LRRC7: variants seen among roughly 807,000 people sequenced by gnomAD.
LRRC7 encodes leucine-rich repeat-containing protein 7.
A neutral mutation model predicts 175.7 loss-of-function variants in LRRC7; 23 were observed. The observed-to-expected ratio is 0.13, with a 90% confidence interval of 0.09 to 0.19. LRRC7 has a LOEUF of 0.19. LRRC7 is among the 10% of genes least tolerant of loss of function. The pLI is 1.00. For synonymous variants in LRRC7, 685 were observed against 680.9 expected (o/e 1.01, Z -0.09); for missense variants, 1,354 against 1,904.7 (o/e 0.71, Z 5.38).
chr1:70,064,307 T>C (rs1661800214), intron 23 of LRRC7, among the ~76,000 whole-genome samples: 1 of 152,024 alleles, frequency 6.6e-6, no homozygotes, highest in Admixed American at 6.6e-5. Context: ...TAGGTTGTTA[T>C]AATCAGAAAA....
At chr1:69,613,439 C>T (rs766970803) in intron 1 of LRRC7, among the ~76,000 whole-genome samples, 22 of 151,942 alleles carry the variant, frequency 1.4e-4, no homozygotes, top group Non-Finnish European at 2.4e-4. Context: ...GAATTTATGG[C>T]GGACACATTA....
intron 6 of LRRC7, among the ~76,000 whole-genome samples, chr1:69,836,879 CAA>C (rs200623992): frequency 8.2e-6 from 1 of 122,652 alleles, no homozygotes. Flanking sequence ...TGATAGGAGG[CAA>C]AAAAAAAAGA....
chr1:70,066,259 A>G (rs762773423), intron 23 of LRRC7, among the ~76,000 whole-genome samples: 1 of 151,980 alleles, frequency 6.6e-6, no homozygotes, highest in Non-Finnish European at 1.5e-5. Context: ...TAATTATTAT[A>G]TCTGCATTTT....
At chr1:69,889,395 G>A (rs1347325445) in intron 7 of LRRC7, among the ~76,000 whole-genome samples, 2 of 152,166 alleles carry the variant, frequency 1.3e-5, no homozygotes, top group African/African-American at 4.8e-5. Flanking sequence ...CAAAATTTGA[G>A]TCTATCCTCT....
Position 70,142,201 on chromosome 1 carries a change from T to C in LRRC7, c.*20314T>C, listed in dbSNP as rs1053416164. ...TTTTATTTTCAATACTTGTAGTCTT[T>C]CCACTCAGAGGACTCTTATTTGGCT... is the stretch of plus-strand genomic sequence containing the variant. On this transcript the variant is annotated 3_prime_UTR_variant, in exon 27 of 27. Transcript: ENST00000651989. The C allele has an allele frequency of 5.3e-5, 8 of 152,164 alleles. No homozygotes were observed. Among genetic ancestry groups the C allele is most frequent in the African/African-American group, 1.9e-4 (8 of 41,468 alleles). 9.4% of individuals were successfully genotyped at this position (152,164 alleles called of 1,614,324 possible).
intron 23 of LRRC7, among the ~76,000 whole-genome samples, chr1:70,068,977 A>G (rs1662179943): frequency 6.6e-6 from 1 of 152,184 alleles, no homozygotes; most frequent in African/African-American, 2.4e-5. Flanking sequence ...CAGTGAAACC[A>G]TCTGGGCCTG....
intron 1 of LRRC7, among the ~76,000 whole-genome samples, chr1:69,623,518 C>T (rs1159222017): frequency 6.7e-6 from 1 of 148,806 alleles, no homozygotes; most frequent in Non-Finnish European, 1.5e-5. Context: ...GTTGATTTTG[C>T]TTACCTTAAG....
chr1:69,594,625 T>A (rs1646766476), intron 1 of LRRC7, among the ~76,000 whole-genome samples: 1 of 152,190 alleles, frequency 6.6e-6, no homozygotes, highest in African/African-American at 2.4e-5. Context: ...CCATACTCCA[T>A]CCGTACAGAC....
chr1:69,794,212 C>T (rs191269914), intron 4 of LRRC7, among the ~76,000 whole-genome samples: 1 of 152,110 alleles, frequency 6.6e-6, no homozygotes, highest in Non-Finnish European at 1.5e-5. Flanking sequence ...CTTTCTACAC[C>T]AACTTGACTT....
chr1:69,776,622 T>A (rs568852493), intron 3 of LRRC7, among the ~76,000 whole-genome samples: 21 of 152,166 alleles, frequency 1.4e-4, no homozygotes, highest in Non-Finnish European at 2.5e-4. Context: ...ATATTCTACC[T>A]CTTTCTTTAG....
intron 2 of LRRC7, among the ~76,000 whole-genome samples, chr1:69,759,054 A>C (rs1323946023): frequency 6.6e-6 from 1 of 152,044 alleles, no homozygotes; most frequent in African/African-American, 2.4e-5. Context: ...ATGGGGAAAT[A>C]GCCCACACAA....
chr1:69,743,237 G>T (rs1273085980), intron 2 of LRRC7, among the ~76,000 whole-genome samples: 2 of 152,020 alleles, frequency 1.3e-5, no homozygotes, highest in African/African-American at 2.4e-5. Flanking sequence ...CAGCTTGACA[G>T]CTTACCACAA....
chr1:69,616,411 T>C (rs1649627494), intron 1 of LRRC7, among the ~76,000 whole-genome samples: 1 of 152,064 alleles, frequency 6.6e-6, no homozygotes, highest in African/African-American at 2.4e-5. Context: ...TAAAAATTTT[T>C]AGTAGAATAA....
chr1:69,592,192 C>A (rs1646664191), intron 1 of LRRC7, among the ~76,000 whole-genome samples: 1 of 151,906 alleles, frequency 6.6e-6, no homozygotes, highest in Non-Finnish European at 1.5e-5. Context: ...ATACACATAC[C>A]ACCCACAACA....
At chr1:70,090,106 G>A (rs1207966689) in intron 25 of LRRC7, among the ~76,000 whole-genome samples, 1 of 152,046 alleles carries the variant, frequency 6.6e-6, no homozygotes, top group African/African-American at 2.4e-5. Context: ...TTGCTCCACA[G>A]TTGTCTATAT....
chr1:69,700,861 C>G (rs1204896691), intron 2 of LRRC7, among the ~76,000 whole-genome samples: 1 of 152,108 alleles, frequency 6.6e-6, no homozygotes, highest in Non-Finnish European at 1.5e-5. Context: ...AGCCCAAGAC[C>G]AGGGTCATGT....
intron 2 of LRRC7, among the ~76,000 whole-genome samples, chr1:69,759,103 G>A (rs529424428): frequency 1.9e-4 from 29 of 152,066 alleles, no homozygotes; most frequent in African/African-American, 7.0e-4. Context: ...GGAACTCAGA[G>A]AAAGATGCTA....
At chr1:69,909,961 T>G (rs1236069256) in intron 7 of LRRC7, among the ~76,000 whole-genome samples, 4 of 152,192 alleles carry the variant, frequency 2.6e-5, no homozygotes, top group Non-Finnish European at 5.9e-5. Flanking sequence ...TTGGAGGCTT[T>G]GTTTGTTTCT....
intron 7 of LRRC7, among the ~76,000 whole-genome samples, chr1:69,864,752 A>T (rs1684728764): frequency 1.3e-5 from 2 of 152,190 alleles, no homozygotes; most frequent in African/African-American, 4.8e-5. Context: ...ATTCATGGTT[A>T]CAAGTTATTT....
Sources: gnomAD v4.1 joint callset for allele counts (sites outside exome capture counted in the v4.1 genomes callset) on GRCh38, gnomAD v4.1.1 for gene constraint, MANE v1.5 for transcripts, NCBI Gene and HGNC (gene_info 2026-07-23, HGNC 2026-07-21) for gene names.